TBL1X: variants seen among roughly 807,000 people sequenced by gnomAD.
The protein encoded by TBL1X is F-box-like/WD repeat-containing protein TBL1X.
A neutral mutation model predicts 50.7 loss-of-function variants in TBL1X; 10 were observed. The ratio of observed to expected loss-of-function variants is 0.20; its 90% confidence interval spans 0.12 to 0.33. TBL1X has a LOEUF of 0.33. Ranked by LOEUF, TBL1X falls within the 10% of genes least tolerant of loss-of-function variation. The pLI is 1.00. For synonymous variants in TBL1X, 190 were observed against 214.7 expected, an observed-to-expected ratio of 0.88 and a Z score of 1.01; for missense variants, 340 against 504.4, an observed-to-expected ratio of 0.67 and a Z score of 3.12.
At chrX:9,618,133 A>G (rs1380818879) in intron 2 of TBL1X, among the ~76,000 whole-genome samples, 3 of 111,918 alleles carry the variant, frequency 2.7e-5, no homozygotes, top group African/African-American at 9.8e-5. Context: ...TACAAATATA[A>G]GGATCTTAGT....
At chrX:9,466,456 A>G (rs767104570) in intron 1 of TBL1X, among the ~76,000 whole-genome samples, 93 of 112,900 alleles carry the variant, frequency 8.2e-4, no homozygotes, top group Non-Finnish European at 1.3e-3. Context: ...CGTTCCACAA[A>G]GGTAGGGACT....
intron 1 of TBL1X, among the ~76,000 whole-genome samples, chrX:9,495,241 C>CGTA (rs2081965607): frequency 9.0e-6 from 1 of 111,446 alleles, no homozygotes; most frequent in Non-Finnish European, 1.9e-5. Flanking sequence ...GCGCAGCTAT[C>CGTA]CTACAAGTAT....
In TBL1X at chrX:9,711,596, C is replaced by T. The variant is rs1450378039; in HGVS notation, c.1440-15C>T. ...CCGTGTGTATGTGATTTTGCTTTCT[C>T]TCCCACCTTGCTAGTGCTTCGTTTG... On this transcript the variant is annotated splice_polypyrimidine_tract_variant and intron_variant, in intron 15 of 17. Transcript: ENST00000645353. 2 of 1,166,434 alleles carry T rather than the reference C, an allele frequency of 1.7e-6. No individual in the cohort carries two copies. The highest frequency in any genetic ancestry group is 3.6e-5 in the African/African-American group (2 of 56,046).
At chrX:9,596,049 T>C (rs900021504) in intron 2 of TBL1X, among the ~76,000 whole-genome samples, 7 of 112,199 alleles carry the variant, frequency 6.2e-5, no homozygotes, top group Non-Finnish European at 1.1e-4. Context: ...GTTTAGACTT[T>C]ATAACATTAC....
At chrX:9,482,808 CA>C (rs1170287573) in intron 1 of TBL1X, among the ~76,000 whole-genome samples, 5 of 111,241 alleles carry the variant, frequency 4.5e-5, no homozygotes, top group Non-Finnish European at 9.4e-5. Flanking sequence ...AGAATGATGA[CA>C]GTGAAAGAGA....
At chrX:9,663,652 T>C (rs898695219) in intron 5 of TBL1X, among the ~76,000 whole-genome samples, 1 of 109,530 alleles carries the variant, frequency 9.1e-6, no homozygotes, top group Admixed American at 9.8e-5. Flanking sequence ...TCCCAGCTAC[T>C]CTGGAGGCTG....
chrX:9,467,138 A>G (rs1287284941), intron 1 of TBL1X, among the ~76,000 whole-genome samples: 1 of 112,701 alleles, frequency 8.9e-6, no homozygotes, highest in African/African-American at 3.2e-5. Flanking sequence ...CCCATCAATT[A>G]TATCAGTACC....
chrX:9,590,313 G>A (rs1343477388), intron 2 of TBL1X, among the ~76,000 whole-genome samples: 1 of 111,437 alleles, frequency 9.0e-6, no homozygotes, highest in Admixed American at 9.5e-5. Flanking sequence ...GCAACTCTGT[G>A]CTATTTCTGC....
At chrX:9,539,612 A>G (rs768513467) in intron 2 of TBL1X, among the ~76,000 whole-genome samples, 1 of 111,917 alleles carries the variant, frequency 8.9e-6, no homozygotes, top group South Asian at 3.8e-4. Context: ...AGTGTTCTGT[A>G]AAATGCTGAG....
chrX:9,491,325 TATATA>T (rs2081941477), intron 1 of TBL1X, among the ~76,000 whole-genome samples: 6 of 31,874 alleles, frequency 1.9e-4, no homozygotes, highest in African/African-American at 7.0e-4. Context: ...TATATATATA[TATATA>T]TATATATATT....
At chrX:9,677,163 C>A (rs1416552563) in intron 5 of TBL1X, among the ~76,000 whole-genome samples, 5 of 111,143 alleles carry the variant, frequency 4.5e-5, no homozygotes, top group African/African-American at 1.3e-4. Context: ...CACCTTGTCC[C>A]AGCACTGAGA....
At chrX:9,603,803 G>A (rs2082568785) in intron 2 of TBL1X, among the ~76,000 whole-genome samples, 1 of 111,129 alleles carries the variant, frequency 9.0e-6, no homozygotes, top group South Asian at 3.9e-4. Context: ...TACCTCTGAG[G>A]CCTCCAGGGG....
chrX:9,665,010 AT>A (rs1326195091), intron 5 of TBL1X, among the ~76,000 whole-genome samples: 1 of 109,091 alleles, frequency 9.2e-6, no homozygotes, highest in East Asian at 2.9e-4. Context: ...TAGTTGTAGG[AT>A]TTTTTTTTCC....
chrX:9,580,988 TC>T (rs1488837394), intron 2 of TBL1X, among the ~76,000 whole-genome samples: 2 of 111,890 alleles, frequency 1.8e-5, no homozygotes, highest in African/African-American at 6.5e-5. Flanking sequence ...CATGGCCTGG[TC>T]CGTCTTTCAG....
intron 2 of TBL1X, among the ~76,000 whole-genome samples, chrX:9,611,057 C>G (rs2082611172): frequency 8.9e-6 from 1 of 111,819 alleles, no homozygotes; most frequent in Non-Finnish European, 1.9e-5. Context: ...TCCATTTTCT[C>G]TCAATACTTT....
chrX:9,665,499 ATATATATATAT>A (rs2082923390), intron 5 of TBL1X, among the ~76,000 whole-genome samples: 1 of 23,706 alleles, frequency 4.2e-5, no homozygotes, highest in African/African-American at 1.8e-4. Context: ...CTATATATAT[ATATATATATAT>A]ATATATATAT....
intron 1 of TBL1X, among the ~76,000 whole-genome samples, chrX:9,469,694 CCAT>C (rs780923920): frequency 8.9e-6 from 1 of 112,315 alleles, no homozygotes; most frequent in African/African-American, 3.2e-5. Flanking sequence ...GGTGTGACCA[CCAT>C]CATCATCAGG....
At chrX:9,655,716 A>G (rs2082861738) in intron 5 of TBL1X, among the ~76,000 whole-genome samples, 1 of 111,948 alleles carries the variant, frequency 8.9e-6, no homozygotes, top group African/African-American at 3.3e-5. Flanking sequence ...GTCCTCCCAG[A>G]GATGCATGTA....
intron 2 of TBL1X, among the ~76,000 whole-genome samples, chrX:9,513,483 A>C (rs1308273586): frequency 8.9e-6 from 1 of 111,775 alleles, no homozygotes; most frequent in Non-Finnish European, 1.9e-5. Flanking sequence ...AGGAGGATTC[A>C]CTGAATTCGT....
Sources: gnomAD v4.1 joint callset for allele counts (sites outside exome capture counted in the v4.1 genomes callset) on GRCh38, gnomAD v4.1.1 for gene constraint, MANE v1.5 for transcripts, NCBI Gene and HGNC (gene_info 2026-07-23, HGNC 2026-07-21) for gene names.